BICD1: variants seen among roughly 807,000 people sequenced by gnomAD.
The protein encoded by BICD1 is protein bicaudal D homolog 1.
Under a neutral mutation model 92.5 loss-of-function variants are expected in BICD1, and 35 were observed. That is an observed-to-expected ratio of 0.38 (90% confidence interval 0.29 to 0.50). The LOEUF is 0.50. BICD1 is among the 20% of genes least tolerant of loss of function. The pLI is 0.93. For missense variants in BICD1, 950 were observed against 1,189.8 expected (o/e 0.80, Z 2.97); for synonymous variants, 429 against 465.1 (o/e 0.92, Z 1.00).
intron 2 of BICD1, among the ~76,000 whole-genome samples, chr12:32,247,145 T>C (rs1266389137): frequency 2.0e-5 from 3 of 150,748 alleles, no homozygotes; most frequent in African/African-American, 7.4e-5. Flanking sequence ...TAGTCCCAGC[T>C]ACTAGGGAGG....
chr12:32,131,280 AT>A (rs1942536731), intron 1 of BICD1, among the ~76,000 whole-genome samples: 3 of 151,950 alleles, frequency 2.0e-5, no homozygotes, highest in Non-Finnish European at 4.4e-5. Context: ...TAAAAAAATT[AT>A]TTTTCTGTTG....
chr12:32,305,731 G>A lies in BICD1; in HGVS notation c.614G>A (p.Arg205Gln), dbSNP rs199924935. 6 of 1,613,612 alleles carry A rather than the reference G, an allele frequency of 3.7e-6. No homozygotes were observed. The highest frequency in any genetic ancestry group is 2.2e-5 in the East Asian group (1 of 44,898). ...GAAGGCTTAAAGCATGAGATTAAGC[G>A]ATTTGAGGAGGAGACGGTACTGCTG... is the stretch of plus-strand genomic sequence containing the variant. ...EYEGLKHEIK[R>Q]FEEETVLLNS... The change falls in exon 4 of 10, where the codon CGA (arginine) becomes CAA (glutamine). Residue 205 changes from arginine (R) to glutamine (Q), a missense_variant. Physicochemically the swap from Arg to Gln is conservative, Grantham distance 43. Coordinates refer to ENST00000652176, the MANE Select transcript of BICD1 (RefSeq NM_001714.4).
chr12:32,268,753 G>T (rs934483310), intron 2 of BICD1, among the ~76,000 whole-genome samples: 1 of 152,120 alleles, frequency 6.6e-6, no homozygotes, highest in African/African-American at 2.4e-5. Flanking sequence ...CCAAGATCGC[G>T]CCACTGCACT....
At chr12:32,156,966 A>T (rs149167723) in intron 1 of BICD1, among the ~76,000 whole-genome samples, 7 of 152,354 alleles carry the variant, frequency 4.6e-5, no homozygotes, top group African/African-American at 1.7e-4. Flanking sequence ...TTTATAACAC[A>T]TACATACACA....
Position 32,282,202 on chromosome 12 carries a change from C to CTTTTTTTT in BICD1, c.427-11763_427-11756dup, listed in dbSNP as rs56217529. Among the ~76,000 whole-genome samples, 21 of 94,236 alleles carry CTTTTTTTT rather than the reference C, an allele frequency of 2.2e-4. 5 individuals carry two copies. Among genetic ancestry groups the CTTTTTTTT allele is most frequent in the Admixed American group, 3.9e-4 (3 of 7,732 alleles). 61.8% of individuals were successfully genotyped at this position (94,236 alleles called of 152,430 possible). ...GCAAGACCCAGCTTCAGGTCTTCTT[C>CTTTTTTTT]TTTTTTTTTTTTTTTTTTTTTTTTT... is the stretch of plus-strand genomic sequence containing the variant. On this transcript the variant is annotated intron_variant, in intron 2 of 9. Coordinates refer to ENST00000652176, the MANE Select transcript of BICD1 (RefSeq NM_001714.4).
intron 2 of BICD1, among the ~76,000 whole-genome samples, chr12:32,231,542 C>A (rs1337926047): frequency 1.3e-5 from 2 of 150,958 alleles, no homozygotes; most frequent in African/African-American, 4.9e-5. Context: ...GGTACCAATT[C>A]TTTTAATTTG....
intron 1 of BICD1, among the ~76,000 whole-genome samples, chr12:32,113,897 A>C (rs1257320260): frequency 3.3e-5 from 5 of 151,212 alleles, no homozygotes; most frequent in Non-Finnish European, 7.4e-5. Flanking sequence ...TCCAAGACAG[A>C]ATCTCGCTCT....
intron 8 of BICD1, among the ~76,000 whole-genome samples, chr12:32,365,528 T>C (rs1278103250): frequency 6.6e-6 from 1 of 152,262 alleles, no homozygotes; most frequent in African/African-American, 2.4e-5. Context: ...TAAGGATCGC[T>C]ATTCCACAGA....
intron 1 of BICD1, among the ~76,000 whole-genome samples, chr12:32,125,756 G>GTGTT (rs1942303471): frequency 6.6e-6 from 1 of 152,024 alleles, no homozygotes; most frequent in Admixed American, 6.6e-5. Context: ...AGTAAGCAGT[G>GTGTT]TGTTGGCTAG....
intron 2 of BICD1, among the ~76,000 whole-genome samples, chr12:32,230,610 G>A (rs1003702709): frequency 6.6e-6 from 1 of 152,074 alleles, no homozygotes; most frequent in Non-Finnish European, 1.5e-5. Context: ...GCTGGATAGC[G>A]GATGATAGAA....
chr12:32,108,420 A>C (rs370540739), intron 1 of BICD1: 1 of 338,254 alleles, frequency 3.0e-6, no homozygotes, highest in Admixed American at 4.5e-5. Flanking sequence ...TTGATTTCCT[A>C]TCAGTCACTC....
chr12:32,182,161 G>C (rs1290472909), intron 1 of BICD1, among the ~76,000 whole-genome samples: 1 of 151,684 alleles, frequency 6.6e-6, no homozygotes, highest in Admixed American at 6.6e-5. Context: ...AAAGGTGGTG[G>C]TAAATATCTG....
At chr12:32,266,442 G>A (rs182182834) in intron 2 of BICD1, among the ~76,000 whole-genome samples, 1 of 152,186 alleles carries the variant, frequency 6.6e-6, no homozygotes, top group Admixed American at 6.5e-5. Flanking sequence ...TCTTTAATTA[G>A]GACCTAACTC....
intron 2 of BICD1, among the ~76,000 whole-genome samples, chr12:32,230,911 C>T (rs765235290): frequency 6.6e-6 from 1 of 152,132 alleles, no homozygotes; most frequent in African/African-American, 2.4e-5. Context: ...CTCATAGAAC[C>T]AGTGAATATT....
intron 1 of BICD1, among the ~76,000 whole-genome samples, chr12:32,186,688 T>C (rs543241089): frequency 6.6e-6 from 1 of 152,348 alleles, no homozygotes; most frequent in African/African-American, 2.4e-5. Context: ...CAAAGTATAA[T>C]TGTGGTCTTT....
intron 2 of BICD1, among the ~76,000 whole-genome samples, chr12:32,222,183 G>A (rs1261631794): frequency 6.6e-6 from 1 of 152,298 alleles, no homozygotes; most frequent in East Asian, 1.9e-4. Context: ...TTCCTAACCA[G>A]AATTGGTATA....
chr12:32,134,030 C>G (rs1381815228), intron 1 of BICD1, among the ~76,000 whole-genome samples: 1 of 152,124 alleles, frequency 6.6e-6, no homozygotes, highest in Non-Finnish European at 1.5e-5. Context: ...ATCCACCCAC[C>G]TCGGCCTCCC....
At position 32,367,720 on chromosome 12, in the gene BICD1, G is replaced by A. The variant is rs769016012; in HGVS notation, c.2815G>A (p.Gly939Arg). ...SVPPQCSQLAGRQDCPTVSPD... is the reference protein window; with the variant it reads ...SVPPQCSQLARRQDCPTVSPD... Reference sequence around the variant, plus strand: ...ACCGCCACAGTGCTCACAACTAGCCGGGAGGCAAGACTGCCCAACTGTCAG... The same window carrying A: ...ACCGCCACAGTGCTCACAACTAGCCAGGAGGCAAGACTGCCCAACTGTCAG... The change falls in exon 9 of 10, where the codon GGG becomes AGG. Residue 939 changes from glycine to arginine, a missense_variant. Gly to Arg is a moderately radical substitution (Grantham distance 125). This residue lies in a region of BICD1 where 179 missense variants were observed against 186.7 expected (regional missense o/e 0.96). Transcript: ENST00000652176. 28 of 1,613,986 alleles carry A rather than the reference G, an allele frequency of 1.7e-5. No individual in the cohort carries two copies. The highest frequency in any genetic ancestry group is 3.3e-5 in the Admixed American group (2 of 59,992).
chr12:32,342,128 A>G (rs1050425336), intron 8 of BICD1, among the ~76,000 whole-genome samples: 11 of 102,748 alleles, frequency 1.1e-4, no homozygotes, highest in African/African-American at 2.7e-4. Flanking sequence ...ATATATATGT[A>G]TATATATATG....
Sources: gnomAD v4.1 joint callset for allele counts (sites outside exome capture counted in the v4.1 genomes callset) on GRCh38, gnomAD v4.1.1 for gene constraint, gnomAD v4.1.1 regional missense constraint, MANE v1.5 for transcripts, NCBI Gene and HGNC (gene_info 2026-07-23, HGNC 2026-07-21) for gene names.